Variants in CACNA2D3 observed in about 807,000 individuals in gnomAD.
The protein encoded by CACNA2D3 is voltage-dependent calcium channel subunit alpha-2/delta-3.
A neutral mutation model predicts 160.6 loss-of-function variants in CACNA2D3; 60 were observed. That is an observed-to-expected ratio of 0.37 (90% CI 0.30 to 0.46). CACNA2D3 has a LOEUF of 0.46. Among genes scored for constraint, CACNA2D3 ranks in the 20% least tolerant of loss-of-function variants. The probability of loss-of-function intolerance (pLI) is 1.00; values close to 1 mark genes in which losing one functional copy is unlikely to be tolerated. For synonymous variants in CACNA2D3, 558 were observed against 492.9 expected, an observed-to-expected ratio of 1.13 and a Z score of -1.75; for missense variants, 1,205 against 1,365.0, an observed-to-expected ratio of 0.88 and a Z score of 1.85.
intron 27 of CACNA2D3, among the ~76,000 whole-genome samples, chr3:54,957,550 C>A (rs1209473599): frequency 6.6e-6 from 1 of 152,196 alleles, no homozygotes; most frequent in Non-Finnish European, 1.5e-5. Context: ...GAAGCCAAAG[C>A]ATGTTCAAAC....
chr3:54,187,073 C>T (rs764913940), intron 2 of CACNA2D3, among the ~76,000 whole-genome samples: 8 of 152,202 alleles, frequency 5.3e-5, no homozygotes, highest in Non-Finnish European at 1.0e-4. Flanking sequence ...GCTCCTGCTG[C>T]TGCTGTCCCT....
intron 3 of CACNA2D3, among the ~76,000 whole-genome samples, chr3:54,340,068 C>G (rs1704480655): frequency 6.6e-6 from 1 of 152,114 alleles, no homozygotes; most frequent in Non-Finnish European, 1.5e-5. Context: ...TGACAGTACT[C>G]AAAGAGAAAT....
chr3:54,771,023 G>T (rs1393880716), intron 13 of CACNA2D3, among the ~76,000 whole-genome samples: 1 of 152,098 alleles, frequency 6.6e-6, no homozygotes, highest in Non-Finnish European at 1.5e-5. Flanking sequence ...TCTTTCTATA[G>T]GGTAATTTTC....
intron 29 of CACNA2D3, among the ~76,000 whole-genome samples, chr3:54,981,093 A>C (rs552122996): frequency 6.6e-6 from 1 of 152,328 alleles, no homozygotes; most frequent in South Asian, 2.1e-4. Context: ...CCCTGAACCC[A>C]TGCTGCCATG....
chr3:54,270,728 A>G (rs866626111), intron 2 of CACNA2D3, among the ~76,000 whole-genome samples: 10 of 152,140 alleles, frequency 6.6e-5, no homozygotes, highest in African/African-American at 2.4e-4. Context: ...TGTTCGTTCA[A>G]GTTGTTGGCT....
chr3:54,311,281 C>T (rs1003448594), intron 2 of CACNA2D3, among the ~76,000 whole-genome samples: 12 of 152,124 alleles, frequency 7.9e-5, no homozygotes, highest in Non-Finnish European at 1.8e-4. Flanking sequence ...AAGAGACTGT[C>T]CCCTGTTTCT....
chr3:54,409,246 C>T (rs1314678247), intron 4 of CACNA2D3, among the ~76,000 whole-genome samples: 2 of 152,178 alleles, frequency 1.3e-5, no homozygotes, highest in Admixed American at 6.5e-5. Flanking sequence ...GACTTTTTCA[C>T]TATTGCTATA....
chr3:54,983,340 A>G (rs950404575), intron 29 of CACNA2D3, among the ~76,000 whole-genome samples: 4 of 152,218 alleles, frequency 2.6e-5, no homozygotes, highest in Admixed American at 2.0e-4. Context: ...TTAAATTTAC[A>G]TAAGGCTGGT....
chr3:54,160,229 T>C (rs1700318871), intron 2 of CACNA2D3, among the ~76,000 whole-genome samples: 2 of 152,248 alleles, frequency 1.3e-5, no homozygotes, highest in Admixed American at 6.5e-5. Context: ...CCGGGTGCAG[T>C]GGCTCATGCC....
intron 4 of CACNA2D3, among the ~76,000 whole-genome samples, chr3:54,413,877 CTTTCT>C (rs1186456040): frequency 4.1e-5 from 6 of 145,802 alleles, no homozygotes; most frequent in African/African-American, 1.0e-4. Context: ...CATCTGGTTC[CTTTCT>C]GTTTCTTTTG....
chr3:54,141,537 G>A (rs1013456521), intron 2 of CACNA2D3, among the ~76,000 whole-genome samples: 6 of 152,260 alleles, frequency 3.9e-5, no homozygotes, highest in Middle Eastern at 6.8e-3. Context: ...AGAGGCAGAG[G>A]GGCTGAAGTG....
At chr3:54,674,590 A>T (rs1392599840) in intron 11 of CACNA2D3, among the ~76,000 whole-genome samples, 1 of 152,164 alleles carries the variant, frequency 6.6e-6, no homozygotes, top group Non-Finnish European at 1.5e-5. Context: ...GTACAAAGGA[A>T]GTAGAAAGTT....
intron 4 of CACNA2D3, among the ~76,000 whole-genome samples, chr3:54,500,597 T>C (rs542247385): frequency 6.6e-6 from 1 of 151,332 alleles, no homozygotes; most frequent in Non-Finnish European, 1.5e-5. Context: ...TTTCTTTCTC[T>C]TTTTCTTTCC....
chr3:54,365,966 A>G (rs1158664836), intron 3 of CACNA2D3, among the ~76,000 whole-genome samples: 1 of 152,218 alleles, frequency 6.6e-6, no homozygotes, highest in African/African-American at 2.4e-5. Context: ...ATTGTTGAAC[A>G]GACACTGATG....
intron 12 of CACNA2D3, among the ~76,000 whole-genome samples, chr3:54,757,498 C>T (rs1701996599): frequency 6.6e-6 from 1 of 152,152 alleles, no homozygotes; most frequent in Non-Finnish European, 1.5e-5. Context: ...TCATAGGCGA[C>T]AGCAGGAGAA....
chr3:55,018,671 C>A (rs1043991008), intron 35 of CACNA2D3, among the ~76,000 whole-genome samples: 3 of 151,420 alleles, frequency 2.0e-5, no homozygotes, highest in African/African-American at 7.3e-5. Context: ...AAGGCACAAG[C>A]CTTCAGGATT....
At chr3:55,010,535 C>T (rs1333899703) in intron 34 of CACNA2D3, among the ~76,000 whole-genome samples, 1 of 152,184 alleles carries the variant, frequency 6.6e-6, no homozygotes, top group Non-Finnish European at 1.5e-5. Flanking sequence ...CAGGCCTGCC[C>T]ACTCATGTGC....
intron 11 of CACNA2D3, among the ~76,000 whole-genome samples, chr3:54,732,811 G>A (rs1188675820): frequency 6.6e-6 from 1 of 152,214 alleles, no homozygotes; most frequent in East Asian, 1.9e-4. Context: ...GGTCATCAGA[G>A]TTTTATGTGG....
chr3:54,883,063 G>T (rs1036719003), intron 21 of CACNA2D3, among the ~76,000 whole-genome samples: 1 of 152,036 alleles, frequency 6.6e-6, no homozygotes, highest in African/African-American at 2.4e-5. Flanking sequence ...CTCTGTTGCT[G>T]AGGCTGGAGT....
Sources: allele counts gnomAD v4.1 joint callset (sites outside exome capture counted in the v4.1 genomes callset), GRCh38; gene constraint gnomAD v4.1.1; transcripts MANE v1.5; gene names NCBI Gene and HGNC (gene_info 2026-07-23, HGNC 2026-07-21).